CCDC83: variants seen among roughly 807,000 people sequenced by gnomAD.
CCDC83 encodes the protein coiled-coil domain containing 83, also known as coiled-coil domain-containing protein 83.
Under a neutral mutation model 50.1 loss-of-function variants are expected in CCDC83, and 54 were observed. The ratio of observed to expected loss-of-function variants is 1.08; its 90% CI spans 0.87 to 1.35. The LOEUF (loss-of-function observed/expected upper bound fraction) is 1.35, where lower values mean the gene tolerates loss of function less well. Among genes scored for constraint, CCDC83 ranks in the 40% most tolerant of loss-of-function variants. CCDC83 has a pLI of 0.00. For missense variants in CCDC83, 518 were observed against 473.9 expected, an observed-to-expected ratio of 1.09 and a Z score of -0.86; for synonymous variants, 161 against 153.3, an observed-to-expected ratio of 1.05 and a Z score of -0.37.
intron 7 of CCDC83, among the ~76,000 whole-genome samples, chr11:85,899,948 C>G (rs1316863466): frequency 6.6e-6 from 1 of 152,140 alleles, no homozygotes; most frequent in Non-Finnish European, 1.5e-5. Context: ...AAAAAGAACT[C>G]ATCCACAAAG....
At chr11:85,892,928 T>C (rs1271999464) in intron 5 of CCDC83, among the ~76,000 whole-genome samples, 1 of 152,198 alleles carries the variant, frequency 6.6e-6, no homozygotes, top group Admixed American at 6.5e-5. Flanking sequence ...CAAATTAGAC[T>C]AACTCCAAAA....
intron 3 of CCDC83, among the ~76,000 whole-genome samples, chr11:85,876,080 T>G (rs2093267692): frequency 6.6e-6 from 1 of 152,184 alleles, no homozygotes; most frequent in South Asian, 2.1e-4. Flanking sequence ...CCTTTTCTCC[T>G]TTGGGTTCCA....
Position 85,877,817 on chromosome 11 carries a change from G to GT in CCDC83, c.180+4524dup, listed in dbSNP as rs557543977. Among the ~76,000 whole-genome samples, 75 of 152,174 alleles carry GT rather than the reference G, an allele frequency of 4.9e-4. 1 individual carries two copies. In the South Asian group the frequency reaches 0.015, roughly 30 times the overall value. Reference sequence around the variant, plus strand: ...ATCTTTACTTAGGATTCAAAACATAGTTGATAAAGGAATTTTCCACTTCTA... The same window carrying GT: ...ATCTTTACTTAGGATTCAAAACATAGTTTGATAAAGGAATTTTCCACTTCTA... On this transcript the variant is annotated intron_variant, in intron 3 of 10. Coordinates refer to ENST00000342404, the MANE Select transcript of CCDC83 (RefSeq NM_001286159.2).
At chr11:85,883,452 G>T (rs74888811) in intron 4 of CCDC83, among the ~76,000 whole-genome samples, 2 of 152,046 alleles carry the variant, frequency 1.3e-5, no homozygotes, top group African/African-American at 4.8e-5. Flanking sequence ...AGGGATTAGC[G>T]TTGGGAAAGG....
chr11:85,906,335 G>GATC (rs1352122749), intron 7 of CCDC83, among the ~76,000 whole-genome samples: 1 of 152,042 alleles, frequency 6.6e-6, no homozygotes, highest in African/African-American at 2.4e-5. Context: ...CCCAAATGGT[G>GATC]GGATTACAGA....
intron 7 of CCDC83, among the ~76,000 whole-genome samples, chr11:85,901,919 T>C (rs2093404315): frequency 6.6e-6 from 1 of 151,946 alleles, no homozygotes; most frequent in Non-Finnish European, 1.5e-5. Flanking sequence ...TGGTCTCAGC[T>C]ACTCAGGAGG....
intron 1 of CCDC83, among the ~76,000 whole-genome samples, chr11:85,864,347 GT>G (rs2093194767): frequency 6.6e-6 from 1 of 152,208 alleles, no homozygotes; most frequent in Admixed American, 6.5e-5. Context: ...AGATAAAAAT[GT>G]GTTAAGGAAG....
chr11:85,873,058 T>A (rs1428572397), intron 2 of CCDC83, among the ~76,000 whole-genome samples, 153 bp from the exon 3 acceptor site: 1 of 151,996 alleles, frequency 6.6e-6, no homozygotes, highest in Non-Finnish European at 1.5e-5. Context: ...GTGAGTAAAA[T>A]AGATTCAGAA....
chr11:85,904,398 G>A (rs1279806218), intron 7 of CCDC83, among the ~76,000 whole-genome samples: 1 of 152,132 alleles, frequency 6.6e-6, no homozygotes, highest in African/African-American at 2.4e-5. Flanking sequence ...GCCTGTTTCT[G>A]GTTTATGAGG....
At chr11:85,917,170 A>AGAGAGAGAG (rs1565160046) in intron 10 of CCDC83, among the ~76,000 whole-genome samples, 136 of 58,916 alleles carry the variant, frequency 2.3e-3, no homozygotes, top group African/African-American at 5.5e-3. Flanking sequence ...GAGAGAGAGA[A>AGAGAGAGAG]AGAAAGAAAG....
At chr11:85,895,470 T>C in intron 6 of CCDC83, 86 bp downstream of exon 6, 1 of 744,356 alleles carries the variant, frequency 1.3e-6, no homozygotes, top group Non-Finnish European at 2.2e-6. Flanking sequence ...GTTAAGAACT[T>C]TGGATAGATT....
chr11:85,892,821 T>G (rs1030522847), intron 5 of CCDC83, among the ~76,000 whole-genome samples: 1 of 152,200 alleles, frequency 6.6e-6, no homozygotes, highest in African/African-American at 2.4e-5. Context: ...AAAATATTCA[T>G]GAGATTAGTT....
At chr11:85,914,439 C>T (rs996345522) in intron 8 of CCDC83, among the ~76,000 whole-genome samples, 3 of 152,192 alleles carry the variant, frequency 2.0e-5, no homozygotes, top group Non-Finnish European at 4.4e-5. Context: ...GAGAGAGCTA[C>T]AACAGCATAT....
intron 3 of CCDC83, among the ~76,000 whole-genome samples, chr11:85,875,034 T>C (rs182370421): frequency 6.6e-6 from 1 of 152,284 alleles, no homozygotes; most frequent in East Asian, 1.9e-4. Flanking sequence ...GAAGTTTTAT[T>C]GAGTGATGAA....
rs1258881392 is a variant in CCDC83, at chr11:85,899,001, T to C, written c.658T>C (p.Trp220Arg). 5 of 1,609,430 alleles carry C rather than the reference T, an allele frequency of 3.1e-6. No individual in the cohort carries two copies. The highest frequency in any genetic ancestry group is 1.7e-5 in the Admixed American group (1 of 59,500). The change falls in exon 7 of 11, where the codon TGG becomes CGG. Residue 220 changes from tryptophan (W) to arginine (R), a missense_variant. Trp to Arg is a moderately radical substitution (Grantham distance 101, BLOSUM62 -3). Coordinates refer to ENST00000342404, the MANE Select transcript of CCDC83 (RefSeq NM_001286159.2). ...GSYLEIWEND[W>R]LKKEVAIHRK... ...TTATCTAGAGATCTGGGAGAATGAC[T>C]GGCTCAAAAAAGAGGTAAGTGGAAT...
intron 2 of CCDC83, among the ~76,000 whole-genome samples, chr11:85,866,167 GGTAA>G (rs1419111432): frequency 6.6e-6 from 1 of 152,140 alleles, no homozygotes; most frequent in Non-Finnish European, 1.5e-5. Flanking sequence ...TTTGGCACAA[GGTAA>G]GTGTTTTAAC....
At chr11:85,917,638 A>G (rs2093488562) in intron 10 of CCDC83, among the ~76,000 whole-genome samples, 1 of 152,208 alleles carries the variant, frequency 6.6e-6, no homozygotes, top group Non-Finnish European at 1.5e-5. Context: ...AAGTTCTCCT[A>G]GAATTTGATG....
At chr11:85,881,092 G>C (rs1258023963) in intron 3 of CCDC83, among the ~76,000 whole-genome samples, 1 of 152,042 alleles carries the variant, frequency 6.6e-6, no homozygotes, top group African/African-American at 2.4e-5. Flanking sequence ...TTTTAGGCTG[G>C]GCACAGTGGC....
In CCDC83 at chr11:85,916,093, A is replaced by G. The variant is rs747758614; in HGVS notation, c.940A>G (p.Ser314Gly). ...SRDLMSSSDE[S>G]TILHLSHENS... The stretch of plus-strand genomic sequence containing the variant: ...AGACTTGATGTCCTCATCAGATGAG[A>G]GCACTATCTTACATCTTAGTCATGA... Residue 314 changes from serine (S) to glycine (G), a missense_variant, in exon 10 of 11, where the codon AGC (serine) becomes GGC (glycine). Ser to Gly is a moderately conservative substitution (Grantham distance 56). Transcript: ENST00000342404. 5.0e-6 allele frequency: 8 copies of G among 1,613,376 alleles called. No homozygotes were observed. Among genetic ancestry groups the G allele is most frequent in the South Asian group, 1.1e-5 (1 of 91,028 alleles).
Sources: allele counts gnomAD v4.1 joint callset (sites outside exome capture counted in the v4.1 genomes callset), GRCh38; gene constraint gnomAD v4.1.1; transcripts MANE v1.5; gene names NCBI Gene and HGNC (gene_info 2026-07-23, HGNC 2026-07-21).